ATP9B: variants seen among roughly 807,000 people sequenced by gnomAD.
ATP9B encodes ATPase phospholipid transporting 9B, also known as probable phospholipid-transporting ATPase IIB.
Under a neutral mutation model 146.1 loss-of-function variants are expected in ATP9B, and 110 were observed. The observed-to-expected ratio is 0.75, with a 90% CI of 0.65 to 0.88. The LOEUF (loss-of-function observed/expected upper bound fraction) is 0.88, where lower values mean the gene tolerates loss of function less well. Among genes scored for constraint, ATP9B ranks in the 40% least tolerant of loss-of-function variants. ATP9B has a pLI of 0.00. For synonymous variants in ATP9B, 604 were observed against 569.7 expected, an observed-to-expected ratio of 1.06 and a Z score of -0.86; for missense variants, 1,499 against 1,496.4, an observed-to-expected ratio of 1.00 and a Z score of -0.03.
chr18:79,179,246 T>C (rs893453516), intron 8 of ATP9B, among the ~76,000 whole-genome samples: 1 of 152,206 alleles, frequency 6.6e-6, no homozygotes, highest in Non-Finnish European at 1.5e-5. Flanking sequence ...GTTTTTGGTT[T>C]CATTGATTAT....
intron 12 of ATP9B, among the ~76,000 whole-genome samples, chr18:79,270,274 A>C (rs1305268556): frequency 2.0e-5 from 3 of 152,036 alleles, no homozygotes; most frequent in Non-Finnish European, 4.4e-5. Flanking sequence ...ATTTATATGC[A>C]CACATTCATC....
At chr18:79,350,659 C>G (rs1007797858) in intron 25 of ATP9B, among the ~76,000 whole-genome samples, 1 of 152,172 alleles carries the variant, frequency 6.6e-6, no homozygotes, top group African/African-American at 2.4e-5. Context: ...AGTAGTGTTT[C>G]CTATAGTACT....
chr18:79,245,884 C>T (rs1377202398), intron 11 of ATP9B, among the ~76,000 whole-genome samples: 2 of 129,262 alleles, frequency 1.5e-5, no homozygotes, highest in Non-Finnish European at 3.5e-5. Flanking sequence ...CGGAGGGCAC[C>T]GCTCTACTGA....
At chr18:79,351,491 AAT>A (rs2096922172) in intron 25 of ATP9B, among the ~76,000 whole-genome samples, 2 of 152,238 alleles carry the variant, frequency 1.3e-5, no homozygotes, top group African/African-American at 4.8e-5. Flanking sequence ...GAAAATAAAT[AAT>A]GAGTTTGCCT....
chr18:79,346,822 C>G (rs1389759787), intron 23 of ATP9B, among the ~76,000 whole-genome samples: 1 of 152,238 alleles, frequency 6.6e-6, no homozygotes, highest in Non-Finnish European at 1.5e-5. Flanking sequence ...CACGTGTGGT[C>G]AGCACACAGT....
At chr18:79,316,633 C>A (rs187012630) in intron 15 of ATP9B, among the ~76,000 whole-genome samples, 26 of 152,212 alleles carry the variant, frequency 1.7e-4, no homozygotes, top group Admixed American at 1.0e-3. Context: ...GCAGCCCCAC[C>A]GCAGCGCAGC....
intron 5 of ATP9B, among the ~76,000 whole-genome samples, chr18:79,128,670 A>C (rs2094328503): frequency 6.6e-6 from 1 of 152,148 alleles, no homozygotes; most frequent in Non-Finnish European, 1.5e-5. Context: ...GTTGTAATGG[A>C]GGGGCTAGGC....
chr18:79,264,429 C>T (rs374595578), intron 12 of ATP9B, among the ~76,000 whole-genome samples: 2 of 152,138 alleles, frequency 1.3e-5, no homozygotes, highest in East Asian at 1.9e-4. Flanking sequence ...AAGGCTTTCT[C>T]GGCTTATGTT....
At chr18:79,332,264 C>T (rs1233096562) in intron 17 of ATP9B, among the ~76,000 whole-genome samples, 2 of 150,588 alleles carry the variant, frequency 1.3e-5, no homozygotes, top group Non-Finnish European at 3.0e-5. Flanking sequence ...CCCATCTCTA[C>T]TAAAAATACA....
chr18:79,225,255 C>T (rs9949093), intron 11 of ATP9B, among the ~76,000 whole-genome samples: 23,522 of 152,094 alleles, frequency 0.15, 1,896 homozygotes, highest in Admixed American at 0.2. Context: ...CTGTACCAAA[C>T]GCTCTCTTTT....
chr18:79,262,992 T>TATCA, intron 12 of ATP9B, among the ~76,000 whole-genome samples: 1 of 152,364 alleles, frequency 6.6e-6, no homozygotes, highest in East Asian at 1.9e-4. Context: ...TATTTTAATC[T>TATCA]ATCAAAAAAG....
chr18:79,264,050 A>T (rs1445010047), intron 12 of ATP9B, among the ~76,000 whole-genome samples: 1 of 152,022 alleles, frequency 6.6e-6, no homozygotes, highest in Non-Finnish European at 1.5e-5. Context: ...GCGCCACTGC[A>T]CTCCAGCCCA....
intron 17 of ATP9B, among the ~76,000 whole-genome samples, chr18:79,331,018 A>C (rs2147137739): frequency 6.6e-6 from 1 of 152,368 alleles, no homozygotes; most frequent in South Asian, 2.1e-4. Context: ...TATTTCATTA[A>C]ATTCTCCTGA....
At chr18:79,227,495 G>A (rs1036173012) in intron 11 of ATP9B, among the ~76,000 whole-genome samples, 4 of 151,992 alleles carry the variant, frequency 2.6e-5, no homozygotes, top group Admixed American at 6.6e-5. Flanking sequence ...TAAGTATATA[G>A]GTGGATGGGT....
At chr18:79,244,554 C>T (rs2095923284) in intron 11 of ATP9B, among the ~76,000 whole-genome samples, 1 of 152,108 alleles carries the variant, frequency 6.6e-6, no homozygotes, top group Non-Finnish European at 1.5e-5. Context: ...TAGTAACTTT[C>T]TTCATGAGTT....
At chr18:79,240,148 G>T (rs1009039942) in intron 11 of ATP9B, among the ~76,000 whole-genome samples, 3 of 152,188 alleles carry the variant, frequency 2.0e-5, no homozygotes, top group African/African-American at 7.2e-5. Context: ...TGACTTTGCT[G>T]GACTCAATAT....
chr18:79,337,158 C>T (rs1373770624), intron 18 of ATP9B, 121 bp from the exon 19 acceptor site: 13 of 1,289,648 alleles, frequency 1.0e-5, no homozygotes, highest in Non-Finnish European at 9.8e-6. Context: ...ACACACAGCA[C>T]GTACACGTGT....
chr18:79,129,043 G>A (rs540553913), intron 5 of ATP9B, among the ~76,000 whole-genome samples: 1 of 152,120 alleles, frequency 6.6e-6, no homozygotes, highest in Non-Finnish European at 1.5e-5. Context: ...CTAACCAGTC[G>A]GGGGACTGCT....
chr18:79,305,071 G>T (rs2096613332), intron 14 of ATP9B, among the ~76,000 whole-genome samples: 1 of 152,074 alleles, frequency 6.6e-6, no homozygotes, highest in South Asian at 2.1e-4. Flanking sequence ...ACCCTGGGAG[G>T]TGACAGTTCC....
Sources: gnomAD v4.1 joint callset for allele counts (sites outside exome capture counted in the v4.1 genomes callset) on GRCh38, gnomAD v4.1.1 for gene constraint, MANE v1.5 for transcripts, NCBI Gene and HGNC (gene_info 2026-07-23, HGNC 2026-07-21) for gene names.